ITPR1: variants seen among roughly 807,000 people sequenced by gnomAD.
ITPR1 encodes inositol 1,4,5-trisphosphate-gated calcium channel ITPR1.
In ITPR1, 96 loss-of-function variants were observed where a neutral mutation model predicts 318.4. The ratio of observed to expected loss-of-function variants is 0.30; its 90% CI spans 0.26 to 0.36. ITPR1 has a LOEUF of 0.36. Ranked by LOEUF, ITPR1 falls within the 10% of genes least tolerant of loss-of-function variation. The pLI is 1.00. For missense variants in ITPR1, 2,440 were observed against 3,460.2 expected (o/e 0.71, Z 7.40); for synonymous variants, 1,312 against 1,289.9 (o/e 1.02, Z -0.37).
intron 4 of ITPR1, among the ~76,000 whole-genome samples, chr3:4,605,602 G>GTATT (rs1362526414): frequency 7.9e-5 from 12 of 152,296 alleles, no homozygotes; most frequent in African/African-American, 2.9e-4. Flanking sequence ...TTGTATGTAT[G>GTATT]TATTATACAT....
chr3:4,632,737 A>G (rs1559577206), intron 5 of ITPR1, among the ~76,000 whole-genome samples: 2 of 152,086 alleles, frequency 1.3e-5, no homozygotes, highest in African/African-American at 2.4e-5. Context: ...ACTCCTTCCT[A>G]TGAATGAACT....
At chr3:4,623,512 C>T (rs554359282) in intron 4 of ITPR1, among the ~76,000 whole-genome samples, 102 of 152,272 alleles carry the variant, frequency 6.7e-4, no homozygotes, top group African/African-American at 1.6e-3. Context: ...TGCATGCATA[C>T]GCACACATAT....
At chr3:4,602,827 T>TCTCG (rs1203544044) in intron 4 of ITPR1, among the ~76,000 whole-genome samples, 1 of 152,036 alleles carries the variant, frequency 6.6e-6, no homozygotes, top group African/African-American at 2.4e-5. Context: ...AGACACTAGA[T>TCTCG]AACTGGGCTC....
chr3:4,622,095 C>T (rs2092657591), intron 4 of ITPR1, among the ~76,000 whole-genome samples: 1 of 150,960 alleles, frequency 6.6e-6, no homozygotes, highest in Non-Finnish European at 1.5e-5. Context: ...AGTCTTGTAC[C>T]AGCACATAGT....
chr3:4,553,900 C>T (rs1371440375), intron 4 of ITPR1, among the ~76,000 whole-genome samples: 1 of 148,798 alleles, frequency 6.7e-6, no homozygotes, highest in Non-Finnish European at 1.5e-5. Flanking sequence ...CACGCCCAGC[C>T]TGGCTAACAT....
chr3:4,651,977 C>A, intron 10 of ITPR1, 146 bp from the exon 11 acceptor site: 2 of 672,628 alleles, frequency 3.0e-6, no homozygotes, highest in Non-Finnish European at 5.3e-6. Context: ...CTACACGTGA[C>A]ACTGGCAATG....
At chr3:4,528,542 C>A (rs898720893) in intron 4 of ITPR1, among the ~76,000 whole-genome samples, 1 of 152,100 alleles carries the variant, frequency 6.6e-6, no homozygotes. Flanking sequence ...GGCAAGGCAT[C>A]GAAGGAATGA....
chr3:4,676,537 AGCCCCT>A, intron 23 of ITPR1, 71 bp from the exon 24 acceptor site: 1 of 1,038,058 alleles, frequency 9.6e-7, no homozygotes, highest in Non-Finnish European at 1.4e-6. Flanking sequence ...TCTCTCAAAG[AGCCCCT>A]GCCCCTTGAC....
At chr3:4,694,358 A>G (rs936995539) in intron 33 of ITPR1, among the ~76,000 whole-genome samples, 28 of 148,464 alleles carry the variant, frequency 1.9e-4, no homozygotes, top group African/African-American at 6.9e-4. Flanking sequence ...ATTATAAAGT[A>G]TGTATTGTAG....
intron 4 of ITPR1, among the ~76,000 whole-genome samples, chr3:4,560,738 G>A (rs1189227932): frequency 1.3e-5 from 2 of 152,184 alleles, no homozygotes; most frequent in African/African-American, 4.8e-5. Context: ...AGATACAGTA[G>A]TTCAGCCTCT....
At chr3:4,642,399 G>T in intron 7 of ITPR1, 148 bp downstream of exon 7, 1 of 507,522 alleles carries the variant, frequency 2.0e-6, no homozygotes, top group Non-Finnish European at 3.2e-6. Flanking sequence ...ACTAGTGTTT[G>T]GGAAACAGGG....
Position 4,846,875 on chromosome 3 carries a change from T to A in ITPR1, c.*650T>A, listed in dbSNP as rs1649131103. 6.6e-6 allele frequency: 1 copy of A among 152,650 alleles called. No individual in the cohort carries two copies. Among genetic ancestry groups the A allele is most frequent in the Non-Finnish European group, 1.5e-5 (1 of 68,026 alleles). The allele number at this position is 152,650 out of a possible 1,614,324, so 9.5% of individuals were successfully genotyped here. On this transcript the variant is annotated 3_prime_UTR_variant, in exon 62 of 62. Coordinates refer to ENST00000649015, the MANE Select transcript of ITPR1 (RefSeq NM_001378452.1). ...AGCATTCATTTTAAGAAAAGCAACT[T>A]TAGTTTCAAAGATACTTTTAAGCTT...
chr3:4,654,802 A>T (rs892283586), intron 12 of ITPR1, among the ~76,000 whole-genome samples: 2 of 152,114 alleles, frequency 1.3e-5, no homozygotes, highest in African/African-American at 4.8e-5. Context: ...AGTGTTGTGA[A>T]TTCTGCTGTT....
At chr3:4,592,673 G>A (rs897464401) in intron 4 of ITPR1, among the ~76,000 whole-genome samples, 1 of 152,142 alleles carries the variant, frequency 6.6e-6, no homozygotes, top group African/African-American at 2.4e-5. Context: ...CCCTCTTAAT[G>A]TCCACACCAT....
chr3:4,516,139 C>G (rs1377379765), intron 2 of ITPR1, among the ~76,000 whole-genome samples: 5 of 152,180 alleles, frequency 3.3e-5, no homozygotes, highest in Non-Finnish European at 7.3e-5. Flanking sequence ...CTAGTCACTG[C>G]CACGTTCTTG....
At chr3:4,557,536 ATTCCCT>A (rs1379823367) in intron 4 of ITPR1, among the ~76,000 whole-genome samples, 3 of 152,198 alleles carry the variant, frequency 2.0e-5, no homozygotes, top group Non-Finnish European at 4.4e-5. Context: ...GGCCATGATA[ATTCCCT>A]TTTGACTGTG....
At chr3:4,810,547 G>C (rs904470803) in intron 55 of ITPR1, among the ~76,000 whole-genome samples, 1 of 152,192 alleles carries the variant, frequency 6.6e-6, no homozygotes, top group African/African-American at 2.4e-5. Flanking sequence ...ATGTCCCTGC[G>C]ATACACCAGC....
At position 4,685,079 on chromosome 3, in the gene ITPR1, G is replaced by A. The variant is rs558139013; in HGVS notation, c.3575G>A (p.Arg1192Gln). 89 of 1,609,326 alleles carry A rather than the reference G, an allele frequency of 5.5e-5. No individual in the cohort carries two copies. The highest frequency in any genetic ancestry group is 7.3e-5 in the Non-Finnish European group (86 of 1,177,796). The change falls in exon 30 of 62, where the codon CGG becomes CAG. Residue 1192 changes from arginine to glutamine, a missense_variant. Physicochemically the swap from Arg to Gln is conservative, Grantham distance 43. Coordinates refer to ENST00000649015, the MANE Select transcript of ITPR1 (RefSeq NM_001378452.1). ...CTTTCATTCTACTAGATTTTGATTCGGCTTAGCAAACTCTGTGTTCAAGAG... is the reference window on the plus strand; with the variant it reads ...CTTTCATTCTACTAGATTTTGATTCAGCTTAGCAAACTCTGTGTTCAAGAG... ...NYRVVKEILIRLSKLCVQESA... is the reference protein window; with the variant it reads ...NYRVVKEILIQLSKLCVQESA...
At position 4,624,861 on chromosome 3, in the gene ITPR1, G is replaced by A. The variant is rs116825826; in HGVS notation, c.164-2902G>A. ...CTGGTCATGTATGGTTATTCATGGA[G>A]TGAATGGAGAATTCACATATATTAA... On this transcript the variant is annotated intron_variant, in intron 4 of 61. Transcript: ENST00000649015. Among the ~76,000 whole-genome samples, 86 of 152,196 alleles carry A rather than the reference G, an allele frequency of 5.7e-4. 1 individual carries two copies. Among genetic ancestry groups the A allele is most frequent in the African/African-American group, 2.0e-3 (84 of 41,504 alleles).
Sources: allele counts gnomAD v4.1 joint callset (sites outside exome capture counted in the v4.1 genomes callset), GRCh38; gene constraint gnomAD v4.1.1; transcripts MANE v1.5; gene names NCBI Gene and HGNC (gene_info 2026-07-23, HGNC 2026-07-21).